Variants in ARRB1 observed in about 807,000 individuals in gnomAD.
The protein encoded by ARRB1 is beta-arrestin-1.
ARRB1 carries 21 observed loss-of-function variants against 56.8 expected under a neutral mutation model. The ratio of observed to expected loss-of-function variants is 0.37; its 90% CI spans 0.26 to 0.53. The LOEUF (loss-of-function observed/expected upper bound fraction) is 0.53, where lower values mean the gene tolerates loss of function less well. ARRB1 is among the 20% of genes least tolerant of loss of function. The probability of loss-of-function intolerance (pLI) is 0.88; values close to 1 mark genes in which losing one functional copy is unlikely to be tolerated. For missense variants in ARRB1, 424 were observed against 553.7 expected, an observed-to-expected ratio of 0.77 and a Z score of 2.35; for synonymous variants, 210 against 218.6, an observed-to-expected ratio of 0.96 and a Z score of 0.35.
At position 75,340,109 on chromosome 11, in the gene ARRB1, T is replaced by C. The variant is rs981717302; in HGVS notation, c.20+11479A>G. 4.5e-4 allele frequency among the ~76,000 whole-genome samples: 69 copies of C among 152,170 alleles called. 1 individual carries two copies. Among genetic ancestry groups the C allele is most frequent in the Admixed American group, 5.9e-4 (9 of 15,276 alleles). On this transcript the variant is annotated intron_variant, in intron 1 of 15. Transcript: ENST00000420843. ...ATGCCTTGAGTGGAGGGAGAAATGT[T>C]TGTGGAATTGAATGGAACAAACTGT...
intron 7 of ARRB1, chr11:75,280,858 AAGG>A (rs1425090243): frequency 1.7e-6 from 1 of 597,380 alleles, no homozygotes; most frequent in African/African-American, 1.9e-5. Context: ...CAATGGTGCA[AAGG>A]AGAAGATGCT....
Position 75,274,126 on chromosome 11 carries a change from C to T in ARRB1, c.862G>A (p.Ala288Thr), listed in dbSNP as rs776740350. ...LANNREKRGL[A>T]LDGKLKHEDT... Reference sequence around the variant, plus strand: ...TCGTGCTTGAGCTTCCCGTCCAAGGCGAGGCCCCGCTTCTCTCGGTTATTG... The same window carrying T: ...TCGTGCTTGAGCTTCCCGTCCAAGGTGAGGCCCCGCTTCTCTCGGTTATTG... Residue 288 changes from alanine (A) to threonine (T), a missense_variant, in exon 11 of 16, where the codon GCC becomes ACC. Physicochemically the swap from Ala to Thr is moderately conservative, Grantham distance 58 (BLOSUM62 0). Around this residue, in one of 3 missense-constraint regions of ARRB1, gnomAD observed 301 missense variants for 387.9 expected, o/e 0.78. Coordinates refer to ENST00000420843, the MANE Select transcript of ARRB1 (RefSeq NM_004041.5). 1.5e-4 allele frequency: 247 copies of T among 1,614,038 alleles called. No homozygotes were observed. Among genetic ancestry groups the T allele is most frequent in the Non-Finnish European group, 2.0e-4 (239 of 1,180,020 alleles).
intron 10 of ARRB1, 137 bp from the exon 11 acceptor site, chr11:75,274,348 A>AC (rs1435373663): frequency 1.5e-6 from 2 of 1,296,268 alleles, no homozygotes; most frequent in Non-Finnish European, 2.1e-6. Context: ...AGACACACGG[A>AC]CCACTTGGGC....
intron 1 of ARRB1, among the ~76,000 whole-genome samples, chr11:75,347,998 A>G (rs1947798730): frequency 6.6e-6 from 1 of 152,018 alleles, no homozygotes; most frequent in Admixed American, 6.5e-5. Context: ...CATCCACCCT[A>G]CTTGGCGCTG....
intron 1 of ARRB1, among the ~76,000 whole-genome samples, chr11:75,322,114 G>A (rs1002118507): frequency 2.0e-5 from 3 of 152,260 alleles, no homozygotes; most frequent in African/African-American, 7.2e-5. Context: ...AGCCTAAGGA[G>A]TCAGGGAAGT....
chr11:75,340,820 C>T (rs1361901566), intron 1 of ARRB1, among the ~76,000 whole-genome samples: 3 of 152,198 alleles, frequency 2.0e-5, no homozygotes, highest in African/African-American at 7.2e-5. Flanking sequence ...CCTCCACAAC[C>T]GCCCCCAGCT....
chr11:75,303,595 T>C (rs1946954385), intron 1 of ARRB1: 1 of 456,230 alleles, frequency 2.2e-6, no homozygotes, highest in Non-Finnish European at 4.4e-6. Context: ...GGGGCTGTTT[T>C]TACCTGCAGA....
chr11:75,271,858 C>G (rs1022724420), intron 12 of ARRB1, 134 bp from the exon 13 acceptor site: 26 of 931,732 alleles, frequency 2.8e-5, no homozygotes, highest in Admixed American at 5.1e-5. Flanking sequence ...CCCACCCACC[C>G]CCCTGCACAG....
chr11:75,307,315 A>G (rs1218281827), intron 1 of ARRB1, among the ~76,000 whole-genome samples: 1 of 152,200 alleles, frequency 6.6e-6, no homozygotes, highest in East Asian at 1.9e-4. Flanking sequence ...ATGAGCCTCC[A>G]TCAGACAGGG....
rs904985895 is a variant in ARRB1 at position 75,273,111 on chromosome 11, A to G, written c.915-133T>C. 4.3e-6 allele frequency: 3 copies of G among 705,630 alleles called. No homozygotes were observed. The African/African-American group carries it at 5.3e-5, about 12-fold the overall frequency. 43.7% of individuals were successfully genotyped at this position (705,630 alleles called of 1,614,324 possible). ...GCCACTCAGCTACCATGTCCAATAG[A>G]GCCCAGTGGAGATGAGGAAGGCGAG... On this transcript the variant is annotated intron_variant, in intron 11 of 15. Coordinates refer to ENST00000420843, the MANE Select transcript of ARRB1 (RefSeq NM_004041.5).
chr11:75,322,061 C>T (rs1947356032), intron 1 of ARRB1, among the ~76,000 whole-genome samples: 1 of 152,198 alleles, frequency 6.6e-6, no homozygotes, highest in Non-Finnish European at 1.5e-5. Context: ...ACAATAAATG[C>T]TATAAAGTGG....
At chr11:75,279,359 G>A (rs1023873882) in intron 7 of ARRB1, among the ~76,000 whole-genome samples, 5 of 152,206 alleles carry the variant, frequency 3.3e-5, no homozygotes, top group Admixed American at 1.3e-4. Flanking sequence ...GACAAGCCCA[G>A]GGAGGGGAGA....
rs1200258930 is a variant in ARRB1 at position 75,268,534 on chromosome 11, A to G, written c.1093+355T>C. 6.9e-4 allele frequency among the ~76,000 whole-genome samples: 101 copies of G among 145,416 alleles called. 1 individual carries two copies. Among genetic ancestry groups the G allele is most frequent in the African/African-American group, 2.5e-3 (96 of 38,418 alleles). ...CCAAAAAAAAAAAAAAAAAAAAAAA[A>G]AAGAAGAAGAAAAACATGACAATAG... is the stretch of plus-strand genomic sequence containing the variant. On this transcript the variant is annotated intron_variant, in intron 14 of 15. Transcript: ENST00000420843.
intron 1 of ARRB1, among the ~76,000 whole-genome samples, chr11:75,336,189 G>C (rs1947600252): frequency 6.6e-6 from 1 of 152,250 alleles, no homozygotes; most frequent in Non-Finnish European, 1.5e-5. Context: ...CAAGGCGGAA[G>C]AGTAGCTGAG....
intron 1 of ARRB1, among the ~76,000 whole-genome samples, chr11:75,314,152 A>G (rs947415049): frequency 2.0e-5 from 3 of 152,164 alleles, no homozygotes; most frequent in Non-Finnish European, 4.4e-5. Flanking sequence ...CTCCAGTCCC[A>G]CCAGCCTGGG....
intron 3 of ARRB1, among the ~76,000 whole-genome samples, chr11:75,286,433 AT>A (rs35807702): frequency 9.5e-5 from 14 of 146,726 alleles, no homozygotes; most frequent in South Asian, 4.3e-4. Flanking sequence ...ATGCTCGGCT[AT>A]TTTTTTTTTC....
In ARRB1 at chr11:75,345,636, A is replaced by AT. The variant is rs560702490; in HGVS notation, c.20+5951dup. On this transcript the variant is annotated intron_variant, in intron 1 of 15. Transcript: ENST00000420843. ...GCTCCCACCTGCAAAAGCCAATCAG[A>AT]TGAGGGAGCCCCAGGCCTCCCGCTC... Among the ~76,000 whole-genome samples the AT allele has an allele frequency of 4.2e-3, 634 of 152,264 alleles. 5 individuals carry two copies. Among genetic ancestry groups the AT allele is most frequent in the Non-Finnish European group, 7.1e-3 (482 of 68,016 alleles).
rs1220000749 is a variant in ARRB1, at chr11:75,262,390, C to CATG, written c.*3770_*3772dup. ...GGTTGCTGGGACCACTATTTTTGGG[C>CATG]ATGATATTCCTGAATTGTATCTAAA... On this transcript the variant is annotated 3_prime_UTR_variant, in exon 16 of 16. Transcript: ENST00000420843. The CATG allele has an allele frequency of 6.6e-6, 1 of 152,210 alleles. No individual in the cohort carries two copies. Among genetic ancestry groups the CATG allele is most frequent in the Non-Finnish European group, 1.5e-5 (1 of 68,068 alleles). 9.4% of individuals were successfully genotyped at this position (152,210 alleles called of 1,614,324 possible). A position where few individuals can be genotyped will look rare whatever the true frequency, so the allele number is the denominator to read the frequency against.
chr11:75,290,114 G>A lies in ARRB1; in HGVS notation c.21-75C>T, dbSNP rs532041474. ...GGCAAGCTCCTGCGGGCCACCTTGA[G>A]GCAGGACTGGGGACCAGGGCTGGAG... On this transcript the variant is annotated intron_variant, in intron 1 of 15. Coordinates refer to ENST00000420843, the MANE Select transcript of ARRB1 (RefSeq NM_004041.5). 20 of 1,586,886 alleles carry A rather than the reference G, an allele frequency of 1.3e-5. No individual in the cohort carries two copies. In the South Asian group the frequency reaches 2.1e-4, roughly 17 times the overall value.
Sources: allele counts gnomAD v4.1 joint callset (sites outside exome capture counted in the v4.1 genomes callset), GRCh38; gene constraint gnomAD v4.1.1; regional missense constraint gnomAD v4.1.1; transcripts MANE v1.5; gene names NCBI Gene and HGNC (gene_info 2026-07-23, HGNC 2026-07-21).